The following BABAM2 variants were observed in gnomAD, a reference collection of about 807,000 sequenced individuals.
The protein encoded by BABAM2 is BRISC and BRCA1 A complex member 2.
BABAM2 carries 31 observed loss-of-function variants against 54.7 expected under a neutral mutation model. The observed-to-expected ratio is 0.57, with a 90% CI of 0.43 to 0.77. BABAM2 has a LOEUF of 0.77. Among genes scored for constraint, BABAM2 ranks in the 30% least tolerant of loss-of-function variants. The pLI is 0.00. For synonymous variants in BABAM2, 167 were observed against 162.9 expected, an observed-to-expected ratio of 1.03 and a Z score of -0.19; for missense variants, 364 against 455.8, an observed-to-expected ratio of 0.80 and a Z score of 1.83.
chr2:28,175,208 G>A (rs1187708734), intron 7 of BABAM2, among the ~76,000 whole-genome samples: 1 of 152,144 alleles, frequency 6.6e-6, no homozygotes, highest in Admixed American at 6.5e-5. Context: ...CCACCTACCT[G>A]CACCTGCTGC....
chr2:28,027,866 A>T (rs1436585741), intron 5 of BABAM2, among the ~76,000 whole-genome samples: 2 of 152,158 alleles, frequency 1.3e-5, no homozygotes, highest in Non-Finnish European at 2.9e-5. Flanking sequence ...TCTATTTTTT[A>T]CTTTGCTCCA....
At chr2:28,062,664 C>T (rs1678991829) in intron 6 of BABAM2, among the ~76,000 whole-genome samples, 1 of 151,746 alleles carries the variant, frequency 6.6e-6, no homozygotes, top group Non-Finnish European at 1.5e-5. Flanking sequence ...GTTAAAAAGG[C>T]ATTATCAGCT....
intron 7 of BABAM2, among the ~76,000 whole-genome samples, chr2:28,232,693 G>A (rs1681524960): frequency 6.6e-6 from 1 of 152,156 alleles, no homozygotes; most frequent in Non-Finnish European, 1.5e-5. Flanking sequence ...CTAAACATAG[G>A]AAAAGGACAG....
At chr2:27,982,605 A>C (rs991790387) in intron 3 of BABAM2, among the ~76,000 whole-genome samples, 2 of 149,424 alleles carry the variant, frequency 1.3e-5, no homozygotes, top group Non-Finnish European at 3.0e-5. Context: ...ATGCTTAAAA[A>C]ACCCATTTAA....
intron 7 of BABAM2, among the ~76,000 whole-genome samples, chr2:28,135,684 A>C (rs930369836): frequency 3.3e-5 from 5 of 152,118 alleles, no homozygotes; most frequent in Non-Finnish European, 7.3e-5. Context: ...GTTTTTATTC[A>C]TGACACTCTT....
At chr2:27,986,540 C>CA (rs1189259518) in intron 3 of BABAM2, among the ~76,000 whole-genome samples, 1 of 151,898 alleles carries the variant, frequency 6.6e-6, no homozygotes, top group Non-Finnish European at 1.5e-5. Context: ...TAAGAGTATA[C>CA]AGGGTGTATG....
intron 6 of BABAM2, among the ~76,000 whole-genome samples, chr2:28,098,134 T>A (rs1666778676): frequency 1.3e-5 from 2 of 152,226 alleles, no homozygotes; most frequent in Non-Finnish European, 2.9e-5. Flanking sequence ...TACATAATAA[T>A]TTAGGGAATG....
intron 7 of BABAM2, among the ~76,000 whole-genome samples, chr2:28,190,264 T>C (rs930984154): frequency 6.6e-6 from 1 of 152,210 alleles, no homozygotes; most frequent in Admixed American, 6.5e-5. Flanking sequence ...CTTTATTTCC[T>C]ACAGTTTTGG....
chr2:28,028,142 A>G (rs1262040594), intron 5 of BABAM2, among the ~76,000 whole-genome samples: 1 of 152,076 alleles, frequency 6.6e-6, no homozygotes, highest in Admixed American at 6.5e-5. Context: ...GGCGTAGTTC[A>G]GTTCCTCATG....
chr2:28,009,697 G>A (rs149963363), intron 4 of BABAM2, among the ~76,000 whole-genome samples: 6 of 152,176 alleles, frequency 3.9e-5, no homozygotes, highest in South Asian at 2.1e-4. Context: ...GGCTAGAGAC[G>A]GATGGCAGTA....
intron 7 of BABAM2, among the ~76,000 whole-genome samples, chr2:28,182,245 G>A (rs1436349345): frequency 6.6e-6 from 1 of 152,190 alleles, no homozygotes; most frequent in African/African-American, 2.4e-5. Context: ...AATAGCGTGT[G>A]CAGGGATGTG....
At chr2:28,326,426 G>T (rs1690463741) in intron 11 of BABAM2, among the ~76,000 whole-genome samples, 1 of 152,140 alleles carries the variant, frequency 6.6e-6, no homozygotes, top group South Asian at 2.1e-4. Flanking sequence ...TAAACCCAGG[G>T]CTGGGGCTCT....
rs1558667122 is a variant in BABAM2 at position 28,026,852 on chromosome 2, T to TA, written c.495+1432_495+1433insA. Among the ~76,000 whole-genome samples, 147 of 64,514 alleles carry TA rather than the reference T, an allele frequency of 2.3e-3. 4 individuals are homozygous for TA. The East Asian group carries it at 0.028, about 12-fold the overall frequency. The allele number at this position is 64,514 out of a possible 152,430, so 42.3% of individuals were successfully genotyped here. On this transcript the variant is annotated intron_variant, in intron 5 of 11. Coordinates refer to ENST00000379624, the MANE Select transcript of BABAM2 (RefSeq NM_199191.3). ...TATATAAATATATATAAATATATAT[T>TA]TATATATATAGATATATATATTTAT... is the stretch of plus-strand genomic sequence containing the variant.
intron 4 of BABAM2, among the ~76,000 whole-genome samples, chr2:28,004,473 A>G (rs1673809251): frequency 6.6e-6 from 1 of 152,198 alleles, no homozygotes; most frequent in South Asian, 2.1e-4. Flanking sequence ...TTTCAAGAAC[A>G]TTTATGAAGA....
intron 4 of BABAM2, among the ~76,000 whole-genome samples, chr2:27,999,002 A>G (rs760472590): frequency 3.9e-5 from 6 of 152,196 alleles, no homozygotes; most frequent in Non-Finnish European, 8.8e-5. Flanking sequence ...ATTACAGTAC[A>G]GTATATTATC....
rs1027455385 is a variant in BABAM2 at position 28,096,284 on chromosome 2, C to T, written c.571-32987C>T. On this transcript the variant is annotated intron_variant, in intron 6 of 11. Transcript: ENST00000379624. ...ATTGTTTTAAAAAGTGAATTGTGCA[C>T]GAGTTGTGCAAAGCTTGGAAACCTA... is the stretch of plus-strand genomic sequence containing the variant. Among the ~76,000 whole-genome samples the T allele has an allele frequency of 2.6e-4, 40 of 151,660 alleles. 1 individual carries two copies. Among genetic ancestry groups the T allele is most frequent in the Middle Eastern group, 3.4e-3 (1 of 294 alleles).
chr2:28,006,438 C>T (rs1183688529), intron 4 of BABAM2, among the ~76,000 whole-genome samples: 1 of 151,956 alleles, frequency 6.6e-6, no homozygotes, highest in Non-Finnish European at 1.5e-5. Flanking sequence ...GTATATAATG[C>T]TTGACTGAAG....
At chr2:28,076,618 C>T (rs1573531376) in intron 6 of BABAM2, among the ~76,000 whole-genome samples, 1 of 152,076 alleles carries the variant, frequency 6.6e-6, no homozygotes, top group South Asian at 2.1e-4. Context: ...GCCTCAGCCT[C>T]CCGAGTAGCT....
intron 3 of BABAM2, among the ~76,000 whole-genome samples, chr2:27,983,313 C>A (rs1672153928): frequency 6.6e-6 from 1 of 152,092 alleles, no homozygotes; most frequent in African/African-American, 2.4e-5. Context: ...ACTCTGAATT[C>A]TGTTCCATTG....
Sources: gnomAD v4.1 joint callset for allele counts (sites outside exome capture counted in the v4.1 genomes callset) on GRCh38, gnomAD v4.1.1 for gene constraint, MANE v1.5 for transcripts, NCBI Gene and HGNC (gene_info 2026-07-23, HGNC 2026-07-21) for gene names.